BCL7C: variants seen among roughly 807,000 people sequenced by gnomAD.
BCL7C encodes the protein BAF chromatin remodeling complex subunit BCL7C.
In BCL7C, 8 loss-of-function variants were observed where a neutral mutation model predicts 26.2. The ratio of observed to expected loss-of-function variants is 0.30; its 90% CI spans 0.18 to 0.55. The LOEUF is 0.55. Ranked by LOEUF, BCL7C falls within the 20% of genes least tolerant of loss-of-function variation. The probability of loss-of-function intolerance (pLI) is 0.93; values close to 1 mark genes in which losing one functional copy is unlikely to be tolerated. For missense variants in BCL7C, 262 were observed against 298.5 expected (o/e 0.88, Z 0.90); for synonymous variants, 90 against 116.5 (o/e 0.77, Z 1.47).
chr16:30,866,672 GAAATGTAAATAGT>G (rs2054832670), intron 5 of BCL7C, among the ~76,000 whole-genome samples: 1 of 151,876 alleles, frequency 6.6e-6, no homozygotes, highest in Non-Finnish European at 1.5e-5. Context: ...AAACATTAAT[GAAATGTAAATAGT>G]AAATGTAAAA....
downstream of BCL7C, among the ~76,000 whole-genome samples, chr16:30,883,462 C>T (rs531638609): frequency 4.8e-5 from 7 of 144,610 alleles, no homozygotes; most frequent in East Asian, 7.8e-4. Context: ...GCGAGCCTCC[C>T]GCCTCAGCCT....
chr16:30,846,531 ATTTATC>A (rs1406488091), intron 5 of BCL7C, among the ~76,000 whole-genome samples: 3 of 152,020 alleles, frequency 2.0e-5, no homozygotes, highest in Non-Finnish European at 4.4e-5. Context: ...CCGGCTTAAA[ATTTATC>A]TTTATTTTTT....
rs986431414 is a variant in BCL7C, at chr16:30,834,211, G to A, written c.*737C>T. The A allele has an allele frequency of 1.3e-5, 2 of 152,288 alleles. No individual in the cohort carries two copies. Among genetic ancestry groups the A allele is most frequent in the African/African-American group, 4.8e-5 (2 of 41,464 alleles). The allele number at this position is 152,288 out of a possible 1,614,324, so 9.4% of individuals were successfully genotyped here. A position where few individuals can be genotyped will look rare whatever the true frequency, so the allele number is the denominator to read the frequency against. The stretch of plus-strand genomic sequence containing the variant: ...CCAGGTAGGTTAGGCCACCAGCTCA[G>A]GGCTGCGCCAGAAGTCTCCACGCCT... On this transcript the variant is annotated 3_prime_UTR_variant, in exon 6 of 6. Coordinates refer to the BCL7C transcript ENST00000380317. The surrounding 1 kb of genome is among the most constrained non-coding windows in gnomAD (Gnocchi z 4.3).
chr16:30,858,423 G>A (rs1315176577), intron 5 of BCL7C, among the ~76,000 whole-genome samples: 1 of 152,136 alleles, frequency 6.6e-6, no homozygotes, highest in Admixed American at 6.6e-5. Flanking sequence ...GCTCCTTAGG[G>A]ATTACTAGAC....
rs1472425593 is a variant in BCL7C at position 30,894,054 on chromosome 16, CT to C, written c.-111del. ...CCGCGCTCTCGGCCTGCCGTCCCCC[CT>C]GGAGTTGGCCGCGCCCTCTCTCGTC... On this transcript the variant is annotated 5_prime_UTR_variant, in exon 1 of 6. Transcript: ENST00000215115. 7.3e-6 allele frequency: 2 copies of C among 274,372 alleles called. No individual in the cohort carries two copies. Among genetic ancestry groups the C allele is most frequent in the Non-Finnish European group, 1.2e-5 (2 of 172,186 alleles). 17.0% of individuals were successfully genotyped at this position (274,372 alleles called of 1,614,324 possible).
chr16:30,889,521 G>A (rs1020626084), intron 4 of BCL7C, among the ~76,000 whole-genome samples: 2 of 151,996 alleles, frequency 1.3e-5, no homozygotes, highest in African/African-American at 4.8e-5. Context: ...ACAGAGTCTC[G>A]CTGTGTCCCC....
At chr16:30,836,073 T>A (rs2054567658) in intron 5 of BCL7C, among the ~76,000 whole-genome samples, 1 of 151,626 alleles carries the variant, frequency 6.6e-6, no homozygotes, top group South Asian at 2.1e-4. Context: ...GCAAACATGG[T>A]GAAACCCCGT....
chr16:30,841,315 G>C (rs527690564), intron 5 of BCL7C, among the ~76,000 whole-genome samples: 2 of 152,302 alleles, frequency 1.3e-5, no homozygotes, highest in East Asian at 3.9e-4. Context: ...ACTGTATTTG[G>C]AGAGGGTTTT....
downstream of BCL7C, among the ~76,000 whole-genome samples, chr16:30,884,568 C>G (rs909978238): frequency 6.8e-6 from 1 of 146,504 alleles, no homozygotes; most frequent in Non-Finnish European, 1.5e-5. Flanking sequence ...GTGATCTTAG[C>G]TCACTGCAAC....
chr16:30,863,382 CT>C (rs2054794761), intron 5 of BCL7C, among the ~76,000 whole-genome samples: 1 of 152,164 alleles, frequency 6.6e-6, no homozygotes, highest in Non-Finnish European at 1.5e-5. Flanking sequence ...CTAAATATGC[CT>C]TCCATATCCT....
At chr16:30,864,683 A>G (rs1352039394) in intron 5 of BCL7C, among the ~76,000 whole-genome samples, 3 of 152,190 alleles carry the variant, frequency 2.0e-5, no homozygotes, top group Non-Finnish European at 4.4e-5. Context: ...CTCTGAGCCC[A>G]GGCTAAGCCA....
At chr16:30,884,315 A>G (rs114299174), downstream of BCL7C, among the ~76,000 whole-genome samples, 1,409 of 152,064 alleles carry the variant, frequency 9.3e-3, 24 homozygotes, top group African/African-American at 0.031. Flanking sequence ...CCCCAGCCTC[A>G]GGGACAGGAG....
At chr16:30,865,171 T>TA (rs2054814428) in intron 5 of BCL7C, among the ~76,000 whole-genome samples, 1 of 73,004 alleles carries the variant, frequency 1.4e-5, no homozygotes, top group African/African-American at 5.6e-5. Flanking sequence ...GACCTCCAAC[T>TA]CAAAAAAAAA....
At chr16:30,835,013 C>T in exon 6 of BCL7C, 3 of 1,549,122 alleles carry the variant, frequency 1.9e-6, no homozygotes, top group African/African-American at 1.4e-5. Flanking sequence ...CCCCCGGGAG[C>T]TCTGGTGTCC....
intron 5 of BCL7C, among the ~76,000 whole-genome samples, chr16:30,861,396 G>A (rs550105664): frequency 3.3e-5 from 5 of 152,252 alleles, no homozygotes; most frequent in East Asian, 3.9e-4. Context: ...GCAGCCAGGC[G>A]TTCCTCCAGG....
chr16:30,861,419 A>G (rs1567313106), intron 5 of BCL7C, among the ~76,000 whole-genome samples: 1 of 152,178 alleles, frequency 6.6e-6, no homozygotes. Flanking sequence ...CTCCTCCCCC[A>G]GGATCTTGCT....
At chr16:30,837,657 TTAAA>T (rs1474246759) in intron 5 of BCL7C, among the ~76,000 whole-genome samples, 3 of 152,092 alleles carry the variant, frequency 2.0e-5, no homozygotes, top group African/African-American at 4.8e-5. Context: ...CGTGAGGACT[TTAAA>T]TAAGAAGATG....
chr16:30,859,204 A>T (rs1049572054), intron 5 of BCL7C, among the ~76,000 whole-genome samples: 6 of 152,240 alleles, frequency 3.9e-5, no homozygotes, highest in African/African-American at 1.4e-4. Context: ...GAGGTAAGGT[A>T]GCAGAGTTAG....
At chr16:30,887,191 C>A (rs2055146602), downstream of BCL7C, among the ~76,000 whole-genome samples, 1 of 152,092 alleles carries the variant, frequency 6.6e-6, no homozygotes, top group African/African-American at 2.4e-5. Flanking sequence ...CACCTCTAAT[C>A]CCAGCTACTC....
Sources: gnomAD v4.1 joint callset for allele counts (sites outside exome capture counted in the v4.1 genomes callset) on GRCh38, gnomAD v4.1.1 for gene constraint, Gnocchi (gnomAD v3.1) non-coding constraint, MANE v1.5 for transcripts, NCBI Gene and HGNC (gene_info 2026-07-23, HGNC 2026-07-21) for gene names.